UVRAG: variants seen among roughly 807,000 people sequenced by gnomAD.
The protein encoded by UVRAG is UV radiation resistance-associated gene protein.
In UVRAG, 19 loss-of-function variants were observed where a neutral mutation model predicts 78.0. That is an observed-to-expected ratio of 0.24 (90% CI 0.17 to 0.36). UVRAG has a LOEUF of 0.36. Ranked by LOEUF, UVRAG falls within the 10% of genes least tolerant of loss-of-function variation. The pLI, the probability that UVRAG is intolerant of heterozygous loss-of-function variation, is 1.00. For missense variants in UVRAG, 740 were observed against 853.8 expected (o/e 0.87, Z 1.66); for synonymous variants, 323 against 324.6 (o/e 1.00, Z 0.05).
At chr11:75,977,570 A>G (rs1014675849) in intron 7 of UVRAG, among the ~76,000 whole-genome samples, 4 of 152,144 alleles carry the variant, frequency 2.6e-5, no homozygotes, top group African/African-American at 2.4e-5. Context: ...TTGGGTGCAT[A>G]TATATTTAGG....
At chr11:76,021,199 T>A (rs1950240456) in intron 12 of UVRAG, among the ~76,000 whole-genome samples, 1 of 152,154 alleles carries the variant, frequency 6.6e-6, no homozygotes. Context: ...CTTACCTGAT[T>A]TTTGGTTCTT....
At chr11:76,005,329 C>T (rs1324988995) in intron 9 of UVRAG, among the ~76,000 whole-genome samples, 1 of 151,548 alleles carries the variant, frequency 6.6e-6, no homozygotes, top group Non-Finnish European at 1.5e-5. Context: ...GGCGACAGAG[C>T]GAGACGCCAT....
At chr11:76,060,869 G>A (rs1165414016) in intron 12 of UVRAG, among the ~76,000 whole-genome samples, 4 of 152,244 alleles carry the variant, frequency 2.6e-5, no homozygotes, top group Admixed American at 6.5e-5. Context: ...GATCCTGTGT[G>A]GCCCAAGCCT....
chr11:75,878,754 G>A (rs367765609), intron 3 of UVRAG, among the ~76,000 whole-genome samples: 2 of 152,090 alleles, frequency 1.3e-5, no homozygotes, highest in Admixed American at 6.5e-5. Context: ...GCAGGCACTC[G>A]GCAGGCTGAG....
At chr11:75,980,682 ATTTT>A (rs35190339) in intron 7 of UVRAG, among the ~76,000 whole-genome samples, 4 of 139,134 alleles carry the variant, frequency 2.9e-5, no homozygotes, top group Non-Finnish European at 6.3e-5. Context: ...TCTGGCTAGA[ATTTT>A]TTTTTTTTTT....
chr11:75,881,050 C>G (rs540790566), intron 4 of UVRAG, among the ~76,000 whole-genome samples: 26 of 147,768 alleles, frequency 1.8e-4, no homozygotes, highest in Non-Finnish European at 3.6e-4. Flanking sequence ...TTCAAGTGAT[C>G]CTTTCCGCCT....
At chr11:75,888,722 C>G in intron 4 of UVRAG, 107 bp from the exon 5 acceptor site, 1 of 843,936 alleles carries the variant, frequency 1.2e-6, no homozygotes. Flanking sequence ...TGTAGTCAGC[C>G]GGTTTCTCAG....
At chr11:75,987,482 T>G (rs1591099304) in intron 8 of UVRAG, among the ~76,000 whole-genome samples, 1 of 152,348 alleles carries the variant, frequency 6.6e-6, no homozygotes, top group East Asian at 1.9e-4. Context: ...GATGGCATTT[T>G]TATTTCTCAT....
At chr11:76,076,616 C>G (rs773309481) in intron 13 of UVRAG, among the ~76,000 whole-genome samples, 1 of 152,088 alleles carries the variant, frequency 6.6e-6, no homozygotes, top group Non-Finnish European at 1.5e-5. Context: ...GCTCTGTATC[C>G]TCACCAACAC....
chr11:76,056,292 A>G (rs189093983), intron 12 of UVRAG, among the ~76,000 whole-genome samples: 1 of 152,402 alleles, frequency 6.6e-6, no homozygotes, highest in East Asian at 1.9e-4. Context: ...TATTGTGAGT[A>G]AAGTTGCTGT....
intron 1 of UVRAG, among the ~76,000 whole-genome samples, chr11:75,820,684 A>G (rs906063365): frequency 6.6e-6 from 1 of 152,190 alleles, no homozygotes; most frequent in Non-Finnish European, 1.5e-5. Flanking sequence ...GCCTTGACAT[A>G]TGGTACATTT....
At chr11:75,905,531 T>C (rs115297362) in intron 5 of UVRAG, among the ~76,000 whole-genome samples, 1 of 152,230 alleles carries the variant, frequency 6.6e-6, no homozygotes, top group Non-Finnish European at 1.5e-5. Context: ...TCATACAAAT[T>C]GAATTATGTA....
At chr11:75,987,980 T>C (rs7930115) in intron 8 of UVRAG, among the ~76,000 whole-genome samples, 28,640 of 152,110 alleles carry the variant, frequency 0.19, 4,752 homozygotes, top group African/African-American at 0.45. Flanking sequence ...TCAGGTGATC[T>C]GCCCGCCTTG....
intron 6 of UVRAG, among the ~76,000 whole-genome samples, chr11:75,919,145 G>A (rs1370858377): frequency 6.6e-6 from 1 of 152,146 alleles, no homozygotes; most frequent in Non-Finnish European, 1.5e-5. Flanking sequence ...GAAGAGATGG[G>A]ATGAGAAGTA....
At chr11:75,961,667 C>A (rs914842721) in intron 7 of UVRAG, 118 bp downstream of exon 7, 16 of 691,338 alleles carry the variant, frequency 2.3e-5, no homozygotes, top group Non-Finnish European at 3.3e-5. Flanking sequence ...TAATTGTCCA[C>A]AGAGAGTTCT....
intron 13 of UVRAG, among the ~76,000 whole-genome samples, chr11:76,074,778 A>G (rs1951375592): frequency 6.6e-6 from 1 of 152,200 alleles, no homozygotes. Flanking sequence ...TAGACAGGGC[A>G]TAGACAATTA....
At chr11:75,864,086 C>G (rs993253472) in intron 3 of UVRAG, among the ~76,000 whole-genome samples, 12 of 144,810 alleles carry the variant, frequency 8.3e-5, no homozygotes, top group African/African-American at 2.6e-4. Flanking sequence ...GAGACAGGGT[C>G]TCTCTATCAC....
intron 9 of UVRAG, among the ~76,000 whole-genome samples, chr11:76,005,063 G>T (rs948754198): frequency 6.6e-6 from 1 of 151,994 alleles, no homozygotes; most frequent in African/African-American, 2.4e-5. Context: ...TGCTAGACTG[G>T]CCGGGCATGG....
intron 3 of UVRAG, among the ~76,000 whole-genome samples, chr11:75,876,456 A>G (rs749649588): frequency 6.6e-6 from 1 of 152,214 alleles, no homozygotes. Flanking sequence ...TTGTCTTCAC[A>G]TTTAATTGAA....
Sources: allele counts gnomAD v4.1 joint callset (sites outside exome capture counted in the v4.1 genomes callset), GRCh38; gene constraint gnomAD v4.1.1; transcripts MANE v1.5; gene names NCBI Gene and HGNC (gene_info 2026-07-23, HGNC 2026-07-21).